The following AGFG1 variants were observed in gnomAD, a reference collection of about 807,000 sequenced individuals.
AGFG1 encodes the protein arf-GAP domain and FG repeat-containing protein 1.
In AGFG1, 10 loss-of-function variants were observed where a neutral mutation model predicts 60.6. The observed-to-expected ratio is 0.16, with a 90% confidence interval of 0.10 to 0.28. The LOEUF (loss-of-function observed/expected upper bound fraction) is 0.28, where lower values mean the gene tolerates loss of function less well. AGFG1 is among the 10% of genes least tolerant of loss of function. The pLI is 1.00. For synonymous variants in AGFG1, 247 were observed against 242.9 expected (o/e 1.02, Z -0.16); for missense variants, 537 against 676.5 (o/e 0.79, Z 2.29).
At chr2:227,475,037 C>T (rs2106148156) in intron 1 of AGFG1, among the ~76,000 whole-genome samples, 1 of 152,118 alleles carries the variant, frequency 6.6e-6, no homozygotes. Context: ...AGAGGACATG[C>T]CATGAGTAAG....
intron 2 of AGFG1, among the ~76,000 whole-genome samples, chr2:227,496,549 A>G (rs1040410556): frequency 1.2e-4 from 18 of 152,176 alleles, no homozygotes; most frequent in Non-Finnish European, 1.9e-4. Flanking sequence ...AGTCTTCTAC[A>G]TGCAGGAGAC....
intron 1 of AGFG1, among the ~76,000 whole-genome samples, chr2:227,477,708 C>T (rs191769426): frequency 7.9e-5 from 12 of 152,114 alleles, no homozygotes; most frequent in Admixed American, 5.9e-4. Context: ...CAGGTTCAAG[C>T]GACTCTCCTG....
At position 227,523,840 on chromosome 2, in the gene AGFG1, G is replaced by T; in HGVS notation, c.455G>T (p.Ser152Ile). 6.2e-7 allele frequency: 1 copy of T among 1,613,914 alleles called. No homozygotes were observed. Among genetic ancestry groups the T allele is most frequent in the Non-Finnish European group, 8.5e-7 (1 of 1,179,956 alleles). The change falls in exon 4 of 13, where the codon AGC (serine) becomes ATC (isoleucine). Residue 152 changes from serine to isoleucine, a missense_variant. Coordinates refer to ENST00000310078, the MANE Select transcript of AGFG1 (RefSeq NM_004504.5). ...TCAGGGTCCTCTGCCAGTAGCACAA[G>T]CAGCACACCTGAGGTCAAACCACTG... ...SISGSSASST[S>I]STPEVKPLKS...
intron 2 of AGFG1, among the ~76,000 whole-genome samples, chr2:227,504,566 A>G (rs1641260539): frequency 6.6e-6 from 1 of 152,224 alleles, no homozygotes; most frequent in Non-Finnish European, 1.5e-5. Flanking sequence ...ATTGTCAACT[A>G]TTAACATTTT....
chr2:227,529,881 AT>A lies in AGFG1; in HGVS notation c.695-1198del, dbSNP rs533961886. On this transcript the variant is annotated intron_variant, in intron 5 of 12. Transcript: ENST00000310078. ...GGGGTTTAGGATACTAGATATATTG[AT>A]TTTTTTTTTTTAATAAGAGAAGCTA... Among the ~76,000 whole-genome samples, 484 of 145,888 alleles carry A rather than the reference AT, an allele frequency of 3.3e-3. 2 individuals are homozygous for A. The highest frequency in any genetic ancestry group is 0.025 in the Middle Eastern group (7 of 282).
intron 1 of AGFG1, among the ~76,000 whole-genome samples, chr2:227,472,910 C>T (rs937469968): frequency 6.6e-6 from 1 of 151,358 alleles, no homozygotes; most frequent in Non-Finnish European, 1.5e-5. Flanking sequence ...CTCCGTCGAG[C>T]CTGCGGCCGC....
intron 2 of AGFG1, among the ~76,000 whole-genome samples, chr2:227,515,140 T>C (rs1418450132): frequency 6.6e-6 from 1 of 152,128 alleles, no homozygotes; most frequent in Non-Finnish European, 1.5e-5. Context: ...AGGCTGGTCT[T>C]GAATTCCTGG....
chr2:227,526,567 G>A (rs1692001327), intron 5 of AGFG1, among the ~76,000 whole-genome samples: 1 of 121,104 alleles, frequency 8.3e-6, no homozygotes, highest in South Asian at 2.7e-4. Flanking sequence ...TTTTGAGATG[G>A]AGTCTCACTC....
chr2:227,517,463 G>T (rs956475082), intron 2 of AGFG1, among the ~76,000 whole-genome samples: 1 of 152,128 alleles, frequency 6.6e-6, no homozygotes, highest in Non-Finnish European at 1.5e-5. Context: ...GTAGAGGTGG[G>T]GTTTCACCAT....
rs79555512 is a variant in AGFG1, at chr2:227,523,083, A to G, written c.378-680A>G. Among the ~76,000 whole-genome samples the G allele has an allele frequency of 6.8e-3, 1,040 of 152,304 alleles. 20 individuals carry two copies. The highest frequency in any genetic ancestry group is 0.023 in the African/African-American group (964 of 41,550). ...TACATGCATCTGTATACACTTACCA[A>G]TTCTTAAGGATGTTTCTGGAAGTGG... On this transcript the variant is annotated intron_variant, in intron 3 of 12. Transcript: ENST00000310078.
chr2:227,472,715 TTGGGCGCCGGCTGGCGGGCGC>T (rs1690132809), intron 1 of AGFG1, 127 bp downstream of exon 1: 62 of 1,104,776 alleles, frequency 5.6e-5, no homozygotes, highest in Non-Finnish European at 6.8e-5. Flanking sequence ...GGGGCGGCCG[TTGGGCGCCGGCTGGCGGGCGC>T]GGCGTGGGAG....
At chr2:227,473,755 C>T (rs990226814) in intron 1 of AGFG1, among the ~76,000 whole-genome samples, 2 of 152,112 alleles carry the variant, frequency 1.3e-5, no homozygotes, top group African/African-American at 4.8e-5. Flanking sequence ...AAATTGATTT[C>T]TTAAAACTTA....
At chr2:227,493,666 C>T (rs2106171801) in intron 2 of AGFG1, among the ~76,000 whole-genome samples, 1 of 152,300 alleles carries the variant, frequency 6.6e-6, no homozygotes, top group South Asian at 2.1e-4. Context: ...TGATAGACCA[C>T]TCAAAGCACT....
At chr2:227,540,386 C>T (rs1226193706) in intron 10 of AGFG1, among the ~76,000 whole-genome samples, 2 of 152,086 alleles carry the variant, frequency 1.3e-5, no homozygotes, top group African/African-American at 2.4e-5. Flanking sequence ...TGATGTTCCC[C>T]ACCTTGTGTC....
chr2:227,551,546 C>T (rs1395626968), intron 10 of AGFG1, among the ~76,000 whole-genome samples: 1 of 151,992 alleles, frequency 6.6e-6, no homozygotes, highest in Admixed American at 6.5e-5. Flanking sequence ...TATGTTATGA[C>T]AGATACTTCA....
At chr2:227,514,318 T>C (rs932656476) in intron 2 of AGFG1, among the ~76,000 whole-genome samples, 16 of 152,074 alleles carry the variant, frequency 1.1e-4, no homozygotes, top group African/African-American at 3.4e-4. Flanking sequence ...CTCAAGCAAT[T>C]CTCCTGCCTC....
intron 1 of AGFG1, among the ~76,000 whole-genome samples, chr2:227,491,330 A>C (rs1193172778): frequency 6.6e-6 from 1 of 152,152 alleles, no homozygotes; most frequent in Non-Finnish European, 1.5e-5. Context: ...GGTTAATTGA[A>C]TTTATTGTTA....
chr2:227,526,091 C>T (rs1055740040), intron 5 of AGFG1, among the ~76,000 whole-genome samples: 2 of 152,084 alleles, frequency 1.3e-5, no homozygotes, highest in African/African-American at 4.8e-5. Flanking sequence ...TAGATTAAAA[C>T]ATTTGCTACA....
rs996767430 is a variant in AGFG1 at position 227,559,992 on chromosome 2, CTT to C, written c.*5499_*5500del. The C allele has an allele frequency of 1.3e-5, 2 of 152,082 alleles. No homozygotes were observed. The highest frequency in any genetic ancestry group is 2.9e-5 in the Non-Finnish European group (2 of 67,952). The allele number at this position is 152,082 out of a possible 1,614,324, so 9.4% of individuals were successfully genotyped here. On this transcript the variant is annotated 3_prime_UTR_variant, in exon 13 of 13. Coordinates refer to ENST00000310078, the MANE Select transcript of AGFG1 (RefSeq NM_004504.5). ...TCAAAAAGTGTGTCTCCCTCTGTGA[CTT>C]TATTCTCATACCCCAGAGGCATATA...
Sources: allele counts gnomAD v4.1 joint callset (sites outside exome capture counted in the v4.1 genomes callset), GRCh38; gene constraint gnomAD v4.1.1; transcripts MANE v1.5; gene names NCBI Gene and HGNC (gene_info 2026-07-23, HGNC 2026-07-21).